The following CLYBL variants were observed in gnomAD, a reference collection of about 807,000 sequenced individuals.
CLYBL encodes citramalyl-CoA lyase.
A neutral mutation model predicts 38.9 loss-of-function variants in CLYBL; 31 were observed. The observed-to-expected ratio is 0.80, with a 90% CI of 0.60 to 1.08. The LOEUF (loss-of-function observed/expected upper bound fraction) is 1.08. CLYBL is among the 50% of genes least tolerant of loss of function. The pLI, the probability that CLYBL is intolerant of heterozygous loss-of-function variation, is 0.00. For synonymous variants in CLYBL, 171 were observed against 158.6 expected (o/e 1.08, Z -0.59); for missense variants, 434 against 411.6 (o/e 1.05, Z -0.47).
intron 2 of CLYBL, among the ~76,000 whole-genome samples, chr13:99,775,972 G>A (rs953900136): frequency 5.9e-5 from 9 of 151,642 alleles, no homozygotes; most frequent in African/African-American, 2.2e-4. Flanking sequence ...GACCATCCTG[G>A]CTAACATGGT....
chr13:99,671,362 A>G (rs1351672225), intron 1 of CLYBL, among the ~76,000 whole-genome samples: 1 of 152,150 alleles, frequency 6.6e-6, no homozygotes, highest in East Asian at 1.9e-4. Flanking sequence ...GTTGCTACTG[A>G]AAGTGTTTGA....
chr13:99,791,668 C>A (rs1487447904), intron 2 of CLYBL, among the ~76,000 whole-genome samples: 1 of 152,120 alleles, frequency 6.6e-6, no homozygotes, highest in Non-Finnish European at 1.5e-5. Context: ...ATTAAAGGGG[C>A]CTGACATTTG....
chr13:99,883,059 A>C (rs1289596889), intron 7 of CLYBL, among the ~76,000 whole-genome samples: 1 of 152,126 alleles, frequency 6.6e-6, no homozygotes. Flanking sequence ...AGAGTGAAGA[A>C]AAGGAAACAG....
chr13:99,906,917 T>A (rs1486405455), intron 9 of CLYBL, among the ~76,000 whole-genome samples: 1 of 152,234 alleles, frequency 6.6e-6, no homozygotes, highest in Non-Finnish European at 1.5e-5. Flanking sequence ...GACTTACTGT[T>A]TTCTTTGACC....
chr13:99,751,423 G>GTCT, intron 1 of CLYBL, among the ~76,000 whole-genome samples: 2 of 152,204 alleles, frequency 1.3e-5, no homozygotes, highest in South Asian at 4.2e-4. Context: ...GTTTTGCCAT[G>GTCT]TTGACCAGGC....
chr13:99,645,497 C>CA (rs35412408), intron 1 of CLYBL, among the ~76,000 whole-genome samples: 24,643 of 94,038 alleles, frequency 0.26, 4,049 homozygotes, highest in African/African-American at 0.5. Flanking sequence ...GACTCTGTCT[C>CA]AAAAAAAAAA....
rs78009331 is a variant in CLYBL at position 99,709,895 on chromosome 13, C to T, written c.63-62929C>T. ...CACTGCATTTCAGTAGCTGGTTTCGCCCCTACCTTTTTTTTTTTTCTTTCT... is the reference window on the plus strand; with the variant it reads ...CACTGCATTTCAGTAGCTGGTTTCGTCCCTACCTTTTTTTTTTTTCTTTCT... On this transcript the variant is annotated intron_variant, in intron 1 of 8. Transcript: ENST00000339105. 3.4e-3 allele frequency among the ~76,000 whole-genome samples: 489 copies of T among 143,534 alleles called. 1 individual carries two copies. Among genetic ancestry groups the T allele is most frequent in the Non-Finnish European group, 5.8e-3 (384 of 66,626 alleles). The allele number at this position is 143,534 out of a possible 152,430, so 94.2% of individuals were successfully genotyped here. A position where few individuals can be genotyped will look rare whatever the true frequency, so the allele number is the denominator to read the frequency against.
intron 1 of CLYBL, among the ~76,000 whole-genome samples, chr13:99,634,777 C>T (rs574764745): frequency 2.2e-4 from 33 of 152,074 alleles, no homozygotes; most frequent in Admixed American, 5.2e-4. Flanking sequence ...TGACAGAAAT[C>T]GAGACATTGT....
chr13:99,858,762 T>C (rs2051521143), intron 2 of CLYBL, 99 bp from the exon 3 acceptor site: 1 of 757,326 alleles, frequency 1.3e-6, no homozygotes, highest in Non-Finnish European at 2.1e-6. Flanking sequence ...AGAATAATGG[T>C]GCTCAGACTC....
At chr13:99,842,367 GAGAA>G (rs2051103876) in intron 2 of CLYBL, among the ~76,000 whole-genome samples, 1 of 152,190 alleles carries the variant, frequency 6.6e-6, no homozygotes, top group Admixed American at 6.5e-5. Flanking sequence ...GGAAAGGTGA[GAGAA>G]AGACCTTCCT....
chr13:99,840,339 C>T (rs968945604), intron 2 of CLYBL, among the ~76,000 whole-genome samples: 2 of 151,798 alleles, frequency 1.3e-5, no homozygotes, highest in Non-Finnish European at 2.9e-5. Flanking sequence ...AGGCCAGGCA[C>T]GGTGGCTCAT....
intron 1 of CLYBL, among the ~76,000 whole-genome samples, chr13:99,746,133 C>A (rs1316318473): frequency 1.3e-5 from 2 of 151,770 alleles, no homozygotes; most frequent in Admixed American, 6.6e-5. Context: ...ACTTTCATAT[C>A]AAAGTACCCA....
At chr13:99,610,979 C>T (rs962957858) in intron 1 of CLYBL, among the ~76,000 whole-genome samples, 1 of 152,164 alleles carries the variant, frequency 6.6e-6, no homozygotes, top group East Asian at 1.9e-4. Context: ...GACAGTTTTA[C>T]AAGTAGGGTC....
At chr13:99,850,169 T>A (rs1162781532) in intron 2 of CLYBL, among the ~76,000 whole-genome samples, 1 of 152,188 alleles carries the variant, frequency 6.6e-6, no homozygotes, top group Non-Finnish European at 1.5e-5. Context: ...AATTGTAACT[T>A]CTGTGCTTCA....
intron 1 of CLYBL, among the ~76,000 whole-genome samples, chr13:99,744,207 C>T (rs1018526790): frequency 1.6e-4 from 25 of 152,148 alleles, no homozygotes; most frequent in African/African-American, 5.8e-4. Context: ...CTCCTGACCT[C>T]GTGATCCACC....
chr13:99,745,716 C>T (rs987166587), intron 1 of CLYBL, among the ~76,000 whole-genome samples: 1 of 152,166 alleles, frequency 6.6e-6, no homozygotes, highest in Non-Finnish European at 1.5e-5. Flanking sequence ...GCCACATACA[C>T]GTGATTCGTG....
chr13:99,877,081 G>A (rs2052061887), intron 7 of CLYBL, among the ~76,000 whole-genome samples: 1 of 152,114 alleles, frequency 6.6e-6, no homozygotes, highest in Non-Finnish European at 1.5e-5. Flanking sequence ...CAGTCGTTCA[G>A]TCTCCCAACA....
At chr13:99,831,505 G>A (rs1318338931) in intron 2 of CLYBL, among the ~76,000 whole-genome samples, 1 of 151,968 alleles carries the variant, frequency 6.6e-6, no homozygotes, top group Middle Eastern at 3.2e-3. Flanking sequence ...CTTGGCACAT[G>A]TTTACCTATG....
intron 2 of CLYBL, among the ~76,000 whole-genome samples, chr13:99,852,102 G>T (rs536951761): frequency 6.6e-6 from 1 of 152,270 alleles, no homozygotes; most frequent in East Asian, 1.9e-4. Context: ...CCTATTGCAT[G>T]GTTCCATTTA....
Sources: allele counts gnomAD v4.1 joint callset (sites outside exome capture counted in the v4.1 genomes callset), GRCh38; gene constraint gnomAD v4.1.1; transcripts MANE v1.5; gene names NCBI Gene and HGNC (gene_info 2026-07-23, HGNC 2026-07-21).